Variants in LDB2 observed in about 807,000 individuals in gnomAD.
LDB2 encodes the protein LIM domain-binding protein 2.
Under a neutral mutation model 44.3 loss-of-function variants are expected in LDB2, and 12 were observed. The observed-to-expected ratio is 0.27, with a 90% CI of 0.17 to 0.44. The LOEUF (loss-of-function observed/expected upper bound fraction) is 0.44, where lower values mean the gene tolerates loss of function less well. LDB2 is among the 20% of genes least tolerant of loss of function. The probability of loss-of-function intolerance (pLI) is 1.00; values close to 1 mark genes in which losing one functional copy is unlikely to be tolerated. For synonymous variants in LDB2, 164 were observed against 174.8 expected (o/e 0.94, Z 0.49); for missense variants, 344 against 473.5 (o/e 0.73, Z 2.54).
intron 1 of LDB2, among the ~76,000 whole-genome samples, chr4:16,897,166 T>C (rs1429449047): frequency 6.6e-6 from 1 of 152,188 alleles, no homozygotes; most frequent in Admixed American, 6.5e-5. Context: ...CTGTTGACAA[T>C]TCAAGCCAAC....
intron 1 of LDB2, among the ~76,000 whole-genome samples, chr4:16,781,377 G>A (rs1204171582): frequency 2.0e-5 from 3 of 152,192 alleles, no homozygotes; most frequent in Non-Finnish European, 4.4e-5. Context: ...ATATGCTTTG[G>A]TGGGACACAG....
At chr4:16,572,026 C>A (rs571161332) in intron 5 of LDB2, among the ~76,000 whole-genome samples, 36 of 152,242 alleles carry the variant, frequency 2.4e-4, no homozygotes, top group African/African-American at 8.4e-4. Flanking sequence ...TTTCTGTATT[C>A]AGCAAGATGG....
chr4:16,745,894 GA>G lies in LDB2; in HGVS notation c.235+13263del, dbSNP rs201570479. 3.1e-3 allele frequency among the ~76,000 whole-genome samples: 425 copies of G among 135,344 alleles called. 2 individuals carry two copies. Among genetic ancestry groups the G allele is most frequent in the African/African-American group, 5.6e-3 (208 of 37,458 alleles). 88.8% of individuals were successfully genotyped at this position (135,344 alleles called of 152,430 possible). On this transcript the variant is annotated intron_variant, in intron 2 of 7. Coordinates refer to ENST00000304523, the MANE Select transcript of LDB2 (RefSeq NM_001290.5). ...TCACGTTTAAAGATTCTCTATTGTT[GA>G]AAAAAAAAAAAAAGTTCTGAATAGT...
chr4:16,826,244 G>A (rs1158203708), intron 1 of LDB2, among the ~76,000 whole-genome samples: 1 of 152,146 alleles, frequency 6.6e-6, no homozygotes, highest in Non-Finnish European at 1.5e-5. Flanking sequence ...AATTGGACAG[G>A]TTGATTTTAA....
chr4:16,834,929 T>C (rs576775807), intron 1 of LDB2, among the ~76,000 whole-genome samples: 3 of 152,264 alleles, frequency 2.0e-5, no homozygotes, highest in South Asian at 2.1e-4. Context: ...CATGGAATTA[T>C]TGGTTGAACA....
intron 5 of LDB2, among the ~76,000 whole-genome samples, chr4:16,531,790 C>T (rs1033834791): frequency 5.9e-5 from 9 of 152,074 alleles, no homozygotes; most frequent in African/African-American, 2.2e-4. Context: ...TTTAGGAAAA[C>T]CTTACAGTTA....
intron 2 of LDB2, among the ~76,000 whole-genome samples, chr4:16,618,940 C>A (rs907200235): frequency 6.6e-6 from 1 of 152,074 alleles, no homozygotes; most frequent in Non-Finnish European, 1.5e-5. Flanking sequence ...GAGTGTGTAG[C>A]ACCTCCCCCA....
chr4:16,763,354 T>C (rs1768389974), intron 1 of LDB2, among the ~76,000 whole-genome samples: 1 of 151,838 alleles, frequency 6.6e-6, no homozygotes, highest in South Asian at 2.1e-4. Context: ...CTACTTTGTC[T>C]GTTGGTCAAT....
intron 1 of LDB2, among the ~76,000 whole-genome samples, chr4:16,871,345 T>A (rs896596569): frequency 2.0e-5 from 3 of 152,052 alleles, no homozygotes; most frequent in African/African-American, 7.3e-5. Context: ...TTTTATTTTG[T>A]TGACTGTGTA....
intron 2 of LDB2, among the ~76,000 whole-genome samples, chr4:16,662,100 A>G (rs1437373566): frequency 6.6e-6 from 1 of 152,220 alleles, no homozygotes; most frequent in Non-Finnish European, 1.5e-5. Context: ...CATTAATTCT[A>G]TGCAAATTCT....
intron 1 of LDB2, among the ~76,000 whole-genome samples, chr4:16,805,287 T>C (rs980450366): frequency 6.6e-6 from 1 of 152,238 alleles, no homozygotes; most frequent in Admixed American, 6.5e-5. Flanking sequence ...CGGTCCATAA[T>C]GTGGACTTCA....
chr4:16,656,695 T>C (rs918091904), intron 2 of LDB2, among the ~76,000 whole-genome samples: 4 of 152,242 alleles, frequency 2.6e-5, no homozygotes, highest in Non-Finnish European at 5.9e-5. Flanking sequence ...TTTGTATTAT[T>C]AGACATAAAC....
At chr4:16,800,069 G>T (rs146693727) in intron 1 of LDB2, among the ~76,000 whole-genome samples, 1 of 152,162 alleles carries the variant, frequency 6.6e-6, no homozygotes, top group East Asian at 1.9e-4. Flanking sequence ...GGACGGGAAA[G>T]CTCAAACGAG....
At chr4:16,578,207 G>T (rs550992409) in intron 5 of LDB2, among the ~76,000 whole-genome samples, 2 of 152,132 alleles carry the variant, frequency 1.3e-5, no homozygotes, top group African/African-American at 4.8e-5. Context: ...GACAAAAGAG[G>T]TCACATCAAG....
At chr4:16,693,347 C>CTTTTTTTTTTTTT (rs71181181) in intron 2 of LDB2, among the ~76,000 whole-genome samples, 1 of 112,126 alleles carries the variant, frequency 8.9e-6, no homozygotes, top group Non-Finnish European at 1.8e-5. Context: ...AGCAATAGTT[C>CTTTTTTTTTTTTT]TTTTTTTTTT....
At chr4:16,584,684 G>A (rs1217760075) in intron 5 of LDB2, among the ~76,000 whole-genome samples, 2 of 152,206 alleles carry the variant, frequency 1.3e-5, no homozygotes, top group South Asian at 2.1e-4. Context: ...GTCAGGAGAC[G>A]GGTAGTGCCT....
intron 1 of LDB2, among the ~76,000 whole-genome samples, chr4:16,878,345 T>C (rs1719032343): frequency 6.6e-6 from 1 of 152,238 alleles, no homozygotes; most frequent in Non-Finnish European, 1.5e-5. Flanking sequence ...GAAGGGTTCC[T>C]ACTCTCTTAT....
In LDB2 at chr4:16,761,917, T is replaced by C. The variant is rs545627655; in HGVS notation, c.133-2657A>G. 3.4e-4 allele frequency among the ~76,000 whole-genome samples: 52 copies of C among 152,184 alleles called. No homozygotes were observed. The Middle Eastern group carries it at 0.01, about 30-fold the overall frequency. Reference sequence around the variant, plus strand: ...CAGCACTTTGGGAGGCCTAGGTGGATAGATCACCTGAGGGTCAGGAGTTCG... The same window carrying C: ...CAGCACTTTGGGAGGCCTAGGTGGACAGATCACCTGAGGGTCAGGAGTTCG... On this transcript the variant is annotated intron_variant, in intron 1 of 7. Coordinates refer to ENST00000304523, the MANE Select transcript of LDB2 (RefSeq NM_001290.5).
At chr4:16,882,029 T>C (rs1720288800) in intron 1 of LDB2, among the ~76,000 whole-genome samples, 1 of 152,184 alleles carries the variant, frequency 6.6e-6, no homozygotes, top group Non-Finnish European at 1.5e-5. Flanking sequence ...AGGGTGTGAG[T>C]GTACATGTCT....
Sources: allele counts gnomAD v4.1 joint callset (sites outside exome capture counted in the v4.1 genomes callset), GRCh38; gene constraint gnomAD v4.1.1; transcripts MANE v1.5; gene names NCBI Gene and HGNC (gene_info 2026-07-23, HGNC 2026-07-21).